Variants in TCOF1 observed in about 807,000 individuals in gnomAD.
TCOF1 encodes treacle ribosome biogenesis factor 1, also known as treacle protein.
In TCOF1, 33 loss-of-function variants were observed where a neutral mutation model predicts 149.0. The observed-to-expected ratio is 0.22, with a 90% confidence interval of 0.17 to 0.30. The LOEUF is 0.30. Ranked by LOEUF, TCOF1 falls within the 10% of genes least tolerant of loss-of-function variation. TCOF1 has a pLI of 1.00. For missense variants in TCOF1, 1,728 were observed against 1,840.7 expected (o/e 0.94, Z 1.12); for synonymous variants, 789 against 738.8 (o/e 1.07, Z -1.10).
intron 14 of TCOF1, among the ~76,000 whole-genome samples, chr5:150,377,983 T>C (rs1355433577): frequency 3.3e-5 from 5 of 152,230 alleles, no homozygotes; most frequent in Admixed American, 3.3e-4. Context: ...TTGAGACTTG[T>C]TAGGTCAAGT....
Position 150,374,951 on chromosome 5 carries a change from C to T in TCOF1, c.1279-3C>T, listed in dbSNP as rs1562345566. On this transcript the variant is annotated splice_polypyrimidine_tract_variant and splice_region_variant and intron_variant, in intron 9 of 26. Transcript: ENST00000643257. ...TCTCCCCTCATCCTGTTTCTCACTCCAGGCGAAGCCTTCAGGGAAGGCCCC... is the reference window on the plus strand; with the variant it reads ...TCTCCCCTCATCCTGTTTCTCACTCTAGGCGAAGCCTTCAGGGAAGGCCCC... 5 of 1,613,776 alleles carry T rather than the reference C, an allele frequency of 3.1e-6. No homozygotes were observed. The highest frequency in any genetic ancestry group is 1.7e-4 in the Middle Eastern group (1 of 6,060).
At position 150,379,320 on chromosome 5, in the gene TCOF1, C is replaced by T. The variant is rs1318497841; in HGVS notation, c.2570C>T (p.Ala857Val). Residue 857 changes from alanine (A) to valine (V), a missense_variant, in exon 16 of 27, where the codon GCA becomes GTA. Ala to Val is a moderately conservative substitution (Grantham distance 64). Around this residue, in one of 2 missense-constraint regions of TCOF1, gnomAD observed 1,696 missense variants for 1,765.4 expected, o/e 0.96. Transcript: ENST00000643257. The stretch of plus-strand genomic sequence containing the variant: ...TCTGTGGGGAAGGCCGTGGCTACAG[C>T]AGCTCAGGCCCAGACAGGGCCAGAG... ...VPSVGKAVATAAQAQTGPEED... is the reference protein window; with the variant it reads ...VPSVGKAVATVAQAQTGPEED... The T allele has an allele frequency of 6.2e-7, 1 of 1,614,196 alleles. No homozygotes were observed. Among genetic ancestry groups the T allele is most frequent in the East Asian group, 2.2e-5 (1 of 44,882 alleles).
intron 2 of TCOF1, among the ~76,000 whole-genome samples, chr5:150,362,212 T>C (rs560754664): frequency 6.6e-6 from 1 of 152,334 alleles, no homozygotes; most frequent in South Asian, 2.1e-4. Context: ...ATGTTGAGTG[T>C]GAGATGCCTT....
rs1001449593 is a variant in TCOF1 at position 150,386,759 on chromosome 5, C to G, written c.2860-1143C>G. ...AATGGAAAGTAGACCTGACCAGCTC[C>G]CTGGCTCACAACCATGTGTGTTCTC... On this transcript the variant is annotated intron_variant, in intron 17 of 26. Coordinates refer to ENST00000643257, the MANE Select transcript of TCOF1 (RefSeq NM_001371623.1). 7.9e-5 allele frequency among the ~76,000 whole-genome samples: 12 copies of G among 152,192 alleles called. No homozygotes were observed. In the East Asian group the frequency reaches 2.3e-3, roughly 29 times the overall value.
At chr5:150,367,558 C>A (rs1018871605) in intron 3 of TCOF1, 2 of 433,964 alleles carry the variant, frequency 4.6e-6, no homozygotes, top group Admixed American at 6.7e-5. Context: ...TGGGCCAGTC[C>A]TTTTCCCTCC....
At chr5:150,390,761 G>C (rs1767262049) in intron 19 of TCOF1, among the ~76,000 whole-genome samples, 1 of 152,186 alleles carries the variant, frequency 6.6e-6, no homozygotes, top group Non-Finnish European at 1.5e-5. Context: ...GTGTCGGATG[G>C]GAAGTCAGGC....
At chr5:150,385,215 G>A (rs560458274) in intron 17 of TCOF1, 20 of 523,560 alleles carry the variant, frequency 3.8e-5, no homozygotes, top group Middle Eastern at 9.6e-4. Context: ...TGTCAAAGAC[G>A]TAGGCCCTGC....
At chr5:150,398,292 C>T in intron 24 of TCOF1, 62 bp from the exon 25 acceptor site, 1 of 1,608,842 alleles carries the variant, frequency 6.2e-7, no homozygotes, top group Non-Finnish European at 8.5e-7. Context: ...CACCTCCCAA[C>T]ATTGACCCCA....
chr5:150,366,272 G>A (rs1761328230), intron 3 of TCOF1, among the ~76,000 whole-genome samples: 1 of 152,052 alleles, frequency 6.6e-6, no homozygotes, highest in Non-Finnish European at 1.5e-5. Context: ...AATCATGTGA[G>A]TCCAGGCATT....
intron 6 of TCOF1, among the ~76,000 whole-genome samples, chr5:150,370,603 G>C (rs911456730): frequency 6.6e-6 from 1 of 152,204 alleles, no homozygotes; most frequent in African/African-American, 2.4e-5. Flanking sequence ...TGGTCCATGT[G>C]CCTTGGCCTC....
rs2151107757 is a variant in TCOF1 at position 150,396,815 on chromosome 5, A to G, written c.4318A>G (p.Lys1440Glu). The G allele has an allele frequency of 1.2e-6, 2 of 1,605,438 alleles. No homozygotes were observed. The highest frequency in any genetic ancestry group is 1.7e-6 in the Non-Finnish European group (2 of 1,176,382). ...EGGDQSNPKS[K>E]KEKKKSDKRK... ...TGGAGATCAAAGCAACCCAAAGAGC[A>G]AGAAGGAGAAGAAGAAATCCGACAA... Residue 1440 changes from lysine (K) to glutamate (E), a missense_variant, in exon 24 of 27, where the codon AAG (lysine) becomes GAG (glutamate). Coordinates refer to ENST00000643257, the MANE Select transcript of TCOF1 (RefSeq NM_001371623.1).
At chr5:150,390,537 G>A (rs975700800) in intron 19 of TCOF1, among the ~76,000 whole-genome samples, 1 of 152,300 alleles carries the variant, frequency 6.6e-6, no homozygotes, top group East Asian at 1.9e-4. Context: ...CATTCAGCAA[G>A]GCCGGAACCC....
At chr5:150,390,131 A>G in intron 19 of TCOF1, 108 bp downstream of exon 19, 1 of 1,506,026 alleles carries the variant, frequency 6.6e-7, no homozygotes, top group East Asian at 2.5e-5. Context: ...TCACGCCCAC[A>G]CTCCAGAGGT....
chr5:150,392,049 T>A lies in TCOF1; in HGVS notation c.3390T>A (p.Leu1130=). The change falls in exon 21 of 27, where the codon CTT becomes CTA. Residue 1130 remains leucine, a synonymous_variant. Transcript: ENST00000643257. ...KGTNKLRKPK[L]PEVQQATKAP... ...CCAACAAGCTCAGAAAACCTAAGCTTCCTGAGGTCCAGCAGGCCACCAAAG... is the reference window on the plus strand; with the variant it reads ...CCAACAAGCTCAGAAAACCTAAGCTACCTGAGGTCCAGCAGGCCACCAAAG... 1 of 1,614,212 alleles carries A rather than the reference T, an allele frequency of 6.2e-7. No homozygotes were observed. The highest frequency in any genetic ancestry group is 2.2e-5 in the East Asian group (1 of 44,892).
rs1763878640 is a variant in TCOF1, at chr5:150,376,668, G to A, written c.2340+48G>A. 12 of 1,542,196 alleles carry A rather than the reference G, an allele frequency of 7.8e-6. No homozygotes were observed. The East Asian group carries it at 2.2e-4, about 28-fold the overall frequency. ...CCATCCCACCCACACCTGTTCCTGA[G>A]CCAGGGCTGAGGATGGGCTTGACTG... On this transcript the variant is annotated intron_variant, in intron 14 of 26. Coordinates refer to ENST00000643257, the MANE Select transcript of TCOF1 (RefSeq NM_001371623.1).
chr5:150,398,551 G>A, intron 25 of TCOF1, 100 bp downstream of exon 25: 1 of 1,577,682 alleles, frequency 6.3e-7, no homozygotes, highest in Middle Eastern at 1.7e-4. Flanking sequence ...CCATTTTCGG[G>A]GCCCAGTCGG....
At position 150,376,209 on chromosome 5, in the gene TCOF1, C is replaced by G. The variant is rs1006616095; in HGVS notation, c.2021C>G (p.Ser674Cys). The change falls in exon 13 of 27, where the codon TCT (serine) becomes TGT (cysteine). Residue 674 changes from serine (S) to cysteine (C), a missense_variant. Physicochemically the swap from Ser to Cys is moderately radical, Grantham distance 112. Around this residue, in one of 2 missense-constraint regions of TCOF1, gnomAD observed 1,696 missense variants for 1,765.4 expected, o/e 0.96. Transcript: ENST00000643257. ...CCCCGGAAAGCAGGAACTGCGACTT[C>G]TCCAGCAGGCTCATCCCCAGCTGTG... Reference protein sequence around the residue: ...QAPRKAGTATSPAGSSPAVAG... With the variant: ...QAPRKAGTATCPAGSSPAVAG... The G allele has an allele frequency of 4.3e-6, 7 of 1,614,118 alleles. No individual in the cohort carries two copies. In the African/African-American group the frequency reaches 9.3e-5, roughly 22 times the overall value.
intron 19 of TCOF1, among the ~76,000 whole-genome samples, chr5:150,390,285 G>C (rs1767140534): frequency 6.6e-6 from 1 of 152,232 alleles, no homozygotes; most frequent in South Asian, 2.1e-4. Context: ...AGATTTTCCA[G>C]CGTAGTGGGG....
At chr5:150,374,495 A>G in intron 8 of TCOF1, 109 bp downstream of exon 8, 4 of 1,557,310 alleles carry the variant, frequency 2.6e-6, no homozygotes, top group Non-Finnish European at 3.5e-6. Flanking sequence ...CTCAGACCCC[A>G]GCCCCTTACT....
Sources: gnomAD v4.1 joint callset for allele counts (sites outside exome capture counted in the v4.1 genomes callset) on GRCh38, gnomAD v4.1.1 for gene constraint, gnomAD v4.1.1 regional missense constraint, MANE v1.5 for transcripts, NCBI Gene and HGNC (gene_info 2026-07-23, HGNC 2026-07-21) for gene names.